Variants in SULF2 observed in about 807,000 individuals in gnomAD.
The protein encoded by SULF2 is extracellular sulfatase Sulf-2.
Under a neutral mutation model 107.7 loss-of-function variants are expected in SULF2, and 52 were observed. The observed-to-expected ratio is 0.48, with a 90% CI of 0.39 to 0.61. The LOEUF is 0.61. Ranked by LOEUF, SULF2 falls within the 20% of genes least tolerant of loss-of-function variation. SULF2 has a pLI of 0.00. For missense variants in SULF2, 993 were observed against 1,177.3 expected (o/e 0.84, Z 2.29); for synonymous variants, 460 against 464.3 (o/e 0.99, Z 0.12).
At chr20:47,765,714 C>G (rs572761613) in intron 1 of SULF2, among the ~76,000 whole-genome samples, 185 of 152,310 alleles carry the variant, frequency 1.2e-3, no homozygotes, top group Admixed American at 2.7e-3. Flanking sequence ...CTTCCCTGTC[C>G]CCTGGGAGGT....
intron 3 of SULF2, among the ~76,000 whole-genome samples, chr20:47,732,403 C>T (rs935317332): frequency 6.6e-6 from 1 of 152,214 alleles, no homozygotes; most frequent in African/African-American, 2.4e-5. Flanking sequence ...CTAATGCCCT[C>T]AACCACTCTG....
chr20:47,701,382 C>T (rs2088563772), intron 4 of SULF2, among the ~76,000 whole-genome samples: 1 of 152,196 alleles, frequency 6.6e-6, no homozygotes, highest in South Asian at 2.1e-4. Flanking sequence ...CGCGGTGAAA[C>T]AGATGCACAC....
At chr20:47,741,546 C>T (rs1278140430) in intron 2 of SULF2, among the ~76,000 whole-genome samples, 1 of 152,188 alleles carries the variant, frequency 6.6e-6, no homozygotes. Context: ...ATCTACTGAT[C>T]CCGTTTGCTG....
At chr20:47,672,072 T>A in intron 11 of SULF2, 126 bp downstream of exon 11, 1 of 1,009,816 alleles carries the variant, frequency 9.9e-7, no homozygotes, top group South Asian at 1.6e-5. Context: ...TGTGGCTGTG[T>A]CCCCAGCCCC....
chr20:47,664,692 T>C (rs1161773453), intron 14 of SULF2, among the ~76,000 whole-genome samples: 1 of 152,234 alleles, frequency 6.6e-6, no homozygotes, highest in Non-Finnish European at 1.5e-5. Flanking sequence ...TGGCCACAGG[T>C]GGCTACTTCA....
At position 47,672,220 on chromosome 20, in the gene SULF2, G is replaced by A. The variant is rs753324431; in HGVS notation, c.1554C>T (p.Arg518=). 3.4e-5 allele frequency: 54 copies of A among 1,608,748 alleles called. No individual in the cohort carries two copies. The highest frequency in any genetic ancestry group is 3.3e-4 in the Middle Eastern group (2 of 6,026). ...TACTCTTCTTGAAGAGTTTTTTCCG[G>A]CGTCCGGCCAGGCTGAGCTTGTAGT... The part of the protein sequence containing the change: ...SGDYKLSLAG[R]RKKLFKKKYK... The change falls in exon 11 of 21, where the codon CGC becomes CGT. Residue 518 remains arginine (R), a synonymous_variant. Coordinates refer to ENST00000688720, the MANE Select transcript of SULF2 (RefSeq NM_001387048.1).
intron 1 of SULF2, among the ~76,000 whole-genome samples, chr20:47,775,723 C>CAAAGA (rs2090712970): frequency 1.3e-5 from 2 of 152,214 alleles, no homozygotes; most frequent in Non-Finnish European, 2.9e-5. Context: ...TCAGGACCTC[C>CAAAGA]TGTTCTAGTG....
At chr20:47,708,957 C>T (rs2088834365) in intron 3 of SULF2, among the ~76,000 whole-genome samples, 1 of 152,194 alleles carries the variant, frequency 6.6e-6, no homozygotes, top group Non-Finnish European at 1.5e-5. Context: ...ATTCAGTCTC[C>T]ACCAGGCCCT....
chr20:47,751,570 C>G (rs2090158980), intron 2 of SULF2, among the ~76,000 whole-genome samples: 1 of 152,206 alleles, frequency 6.6e-6, no homozygotes, highest in East Asian at 1.9e-4. Flanking sequence ...GCCTGGAGAG[C>G]TGGCCTGAGA....
chr20:47,772,571 T>TAGAAAA (rs1568929234), intron 1 of SULF2, among the ~76,000 whole-genome samples: 1 of 152,094 alleles, frequency 6.6e-6, no homozygotes. Flanking sequence ...CCCAGAGGCT[T>TAGAAAA]GGAGGAGAGC....
At chr20:47,739,429 T>G (rs923935165) in intron 2 of SULF2, among the ~76,000 whole-genome samples, 3 of 152,150 alleles carry the variant, frequency 2.0e-5, no homozygotes, top group African/African-American at 7.2e-5. Flanking sequence ...GTATTGCACA[T>G]TGGCCGCCCT....
At chr20:47,688,086 T>C (rs1440990102) in intron 5 of SULF2, among the ~76,000 whole-genome samples, 3 of 151,928 alleles carry the variant, frequency 2.0e-5, no homozygotes, top group Admixed American at 6.6e-5. Flanking sequence ...TACCACCATC[T>C]ACCAACTTTT....
At chr20:47,724,398 T>G (rs921622103) in intron 3 of SULF2, among the ~76,000 whole-genome samples, 2 of 152,172 alleles carry the variant, frequency 1.3e-5, no homozygotes, top group Non-Finnish European at 2.9e-5. Context: ...TGAGGAAGAC[T>G]GGGCTGCGGG....
At chr20:47,701,585 C>G (rs2088570934) in intron 4 of SULF2, among the ~76,000 whole-genome samples, 1 of 152,206 alleles carries the variant, frequency 6.6e-6, no homozygotes, top group South Asian at 2.1e-4. Flanking sequence ...ACGGGTATAA[C>G]AGAAATGAGC....
intron 3 of SULF2, among the ~76,000 whole-genome samples, chr20:47,731,182 CTTCTCTT>C (rs1212386280): frequency 1.2e-4 from 12 of 99,596 alleles, no homozygotes; most frequent in Admixed American, 7.5e-4. Flanking sequence ...TCACCTGTAT[CTTCTCTT>C]TTTTTTTTTT....
At chr20:47,731,894 T>C (rs116912576) in intron 3 of SULF2, among the ~76,000 whole-genome samples, 4,716 of 152,320 alleles carry the variant, frequency 0.031, 92 homozygotes, top group Middle Eastern at 0.048. Flanking sequence ...TAATGCACTG[T>C]TGGCTGCGTT....
intron 3 of SULF2, among the ~76,000 whole-genome samples, chr20:47,736,467 T>G (rs1446674357): frequency 6.6e-6 from 1 of 152,228 alleles, no homozygotes; most frequent in African/African-American, 2.4e-5. Context: ...AAAGACTCAC[T>G]TTTTTGGGGG....
rs2086954981 is a variant in SULF2 at position 47,658,206 on chromosome 20, C to T, written c.*156G>A. Reference sequence around the variant, plus strand: ...GTTATCTCTGCTCCTGCTGGTTATCCTCCAGAATCTGTCATGTTGACTGAG... The same window carrying T: ...GTTATCTCTGCTCCTGCTGGTTATCTTCCAGAATCTGTCATGTTGACTGAG... On this transcript the variant is annotated 3_prime_UTR_variant, in exon 21 of 21. Transcript: ENST00000688720. 2.7e-6 allele frequency: 2 copies of T among 745,468 alleles called. No individual in the cohort carries two copies. Among genetic ancestry groups the T allele is most frequent in the South Asian group, 3.2e-5 (2 of 61,780 alleles). The allele number at this position is 745,468 out of a possible 1,614,324, so 46.2% of individuals were successfully genotyped here.
intron 17 of SULF2, among the ~76,000 whole-genome samples, chr20:47,662,697 GTTATA>G (rs1216787010): frequency 2.0e-5 from 3 of 152,200 alleles, no homozygotes; most frequent in Non-Finnish European, 4.4e-5. Context: ...GTGTGTTACT[GTTATA>G]TTAGCTGCGC....
Sources: gnomAD v4.1 joint callset for allele counts (sites outside exome capture counted in the v4.1 genomes callset) on GRCh38, gnomAD v4.1.1 for gene constraint, MANE v1.5 for transcripts, NCBI Gene and HGNC (gene_info 2026-07-23, HGNC 2026-07-21) for gene names.